ABI2: variants seen among roughly 807,000 people sequenced by gnomAD.
ABI2 encodes abelson interactor 2.
In ABI2, 25 loss-of-function variants were observed where a neutral mutation model predicts 59.2. The ratio of observed to expected loss-of-function variants is 0.42; its 90% CI spans 0.31 to 0.59. The LOEUF (loss-of-function observed/expected upper bound fraction) is 0.59, where lower values mean the gene tolerates loss of function less well. Among genes scored for constraint, ABI2 ranks in the 20% least tolerant of loss-of-function variants. ABI2 has a pLI of 0.14. For synonymous variants in ABI2, 213 were observed against 235.5 expected (o/e 0.90, Z 0.87); for missense variants, 545 against 681.8 (o/e 0.80, Z 2.23).
chr2:203,407,970 G>A (rs1337921297), intron 9 of ABI2, among the ~76,000 whole-genome samples: 1 of 152,176 alleles, frequency 6.6e-6, no homozygotes, highest in Non-Finnish European at 1.5e-5. Flanking sequence ...AAATGATGTG[G>A]TATCTGAATT....
intron 4 of ABI2, among the ~76,000 whole-genome samples, chr2:203,383,748 A>ACT (rs1003545839): frequency 2.6e-5 from 4 of 152,204 alleles, no homozygotes; most frequent in Non-Finnish European, 4.4e-5. Context: ...GTGTCTTAGA[A>ACT]GTCTCCTGAT....
At position 203,395,462 on chromosome 2, in the gene ABI2, C is replaced by T. The variant is rs936415466; in HGVS notation, c.726-194C>T. 9.7e-4 allele frequency among the ~76,000 whole-genome samples: 145 copies of T among 149,230 alleles called. 1 individual carries two copies. Among genetic ancestry groups the T allele is most frequent in the Middle Eastern group, 3.5e-3 (1 of 286 alleles). Reference sequence around the variant, plus strand: ...ATATATATATATACACACACACACACACACACACACACACACACACACATT... The same window carrying T: ...ATATATATATATACACACACACACATACACACACACACACACACACACATT... On this transcript the variant is annotated intron_variant, in intron 6 of 11. Transcript: ENST00000261018.
chr2:203,344,394 C>T (rs1033065852), intron 1 of ABI2, among the ~76,000 whole-genome samples: 1 of 151,532 alleles, frequency 6.6e-6, no homozygotes, highest in Admixed American at 6.6e-5. Flanking sequence ...GACAGGGTCT[C>T]TTGCTCTATT....
At chr2:203,420,887 C>A (rs1257125172) in intron 11 of ABI2, among the ~76,000 whole-genome samples, 1 of 148,458 alleles carries the variant, frequency 6.7e-6, no homozygotes, top group Non-Finnish European at 1.5e-5. Context: ...AAAGGAAGGG[C>A]CTTCCAAGCT....
chr2:203,407,437 GTATT>G (rs2153477974), intron 9 of ABI2, among the ~76,000 whole-genome samples: 1 of 152,260 alleles, frequency 6.6e-6, no homozygotes, highest in African/African-American at 2.4e-5. Context: ...TATTCTCAGA[GTATT>G]TATAAAGCTG....
intron 11 of ABI2, among the ~76,000 whole-genome samples, chr2:203,426,007 G>A (rs953579346): frequency 2.0e-5 from 3 of 146,370 alleles, no homozygotes; most frequent in Admixed American, 2.0e-4. Flanking sequence ...GGCGATAAGA[G>A]TGAGACTGTC....
intron 9 of ABI2, among the ~76,000 whole-genome samples, chr2:203,405,549 CA>C (rs753884266): frequency 5.2e-4 from 73 of 141,044 alleles, no homozygotes; most frequent in Non-Finnish European, 4.8e-4. Flanking sequence ...GACCCTGTCT[CA>C]AAAAAAAAAA....
At chr2:203,367,873 G>A (rs62183948) in intron 2 of ABI2, among the ~76,000 whole-genome samples, 24,393 of 151,634 alleles carry the variant, frequency 0.16, 2,367 homozygotes, top group East Asian at 0.52. Context: ...GTTTGGTGGT[G>A]CACGCCTGTT....
intron 9 of ABI2, among the ~76,000 whole-genome samples, chr2:203,403,992 A>C (rs2097328845): frequency 6.6e-6 from 1 of 151,866 alleles, no homozygotes. Flanking sequence ...ACCTTAAGTG[A>C]TTCACCCACC....
intron 1 of ABI2, among the ~76,000 whole-genome samples, chr2:203,339,111 G>A (rs971736205): frequency 6.7e-6 from 1 of 149,862 alleles, no homozygotes; most frequent in Non-Finnish European, 1.5e-5. Flanking sequence ...CAACAGGTAT[G>A]TGAAAATGTG....
At chr2:203,362,999 T>C (rs2093741079) in intron 1 of ABI2, among the ~76,000 whole-genome samples, 1 of 152,032 alleles carries the variant, frequency 6.6e-6, no homozygotes, top group Non-Finnish European at 1.5e-5. Context: ...CCCGGCTATT[T>C]TTCGTATTTT....
chr2:203,341,413 A>G (rs1280808971), intron 1 of ABI2, among the ~76,000 whole-genome samples: 3 of 152,194 alleles, frequency 2.0e-5, no homozygotes, highest in Non-Finnish European at 2.9e-5. Flanking sequence ...GTCGGAGGGC[A>G]GTGAAATAAA....
intron 1 of ABI2, among the ~76,000 whole-genome samples, chr2:203,364,881 C>T (rs1326843676): frequency 6.6e-6 from 1 of 151,892 alleles, no homozygotes; most frequent in African/African-American, 2.4e-5. Context: ...CTACAGGGGT[C>T]CACCATCATG....
intron 1 of ABI2, among the ~76,000 whole-genome samples, chr2:203,336,069 T>C (rs1440002034): frequency 6.6e-6 from 1 of 152,218 alleles, no homozygotes; most frequent in Non-Finnish European, 1.5e-5. Flanking sequence ...TGTGTTTGAC[T>C]TCTTGGTACT....
At chr2:203,349,607 G>A (rs1199519619) in intron 1 of ABI2, among the ~76,000 whole-genome samples, 4 of 151,844 alleles carry the variant, frequency 2.6e-5, no homozygotes, top group Admixed American at 6.6e-5. Flanking sequence ...GTTTCACCAC[G>A]TTGGTCAGGC....
Position 203,430,649 on chromosome 2 carries a change from C to T in ABI2, c.*3297C>T, listed in dbSNP as rs935214915. Reference sequence around the variant, plus strand: ...TCATTTAGCTACTTCCTATCTCCCTCAGAGGCGCCTGCTGTTCCCATTTTA... The same window carrying T: ...TCATTTAGCTACTTCCTATCTCCCTTAGAGGCGCCTGCTGTTCCCATTTTA... On this transcript the variant is annotated 3_prime_UTR_variant, in exon 12 of 12. Transcript: ENST00000261018. 1 of 152,236 alleles carries T rather than the reference C, an allele frequency of 6.6e-6. No individual in the cohort carries two copies. The highest frequency in any genetic ancestry group is 1.5e-5 in the Non-Finnish European group (1 of 68,044). 9.4% of individuals were successfully genotyped at this position (152,236 alleles called of 1,614,324 possible).
chr2:203,425,043 TG>T (rs925154265), intron 11 of ABI2, among the ~76,000 whole-genome samples: 71 of 148,830 alleles, frequency 4.8e-4, no homozygotes, highest in African/African-American at 1.4e-3. Flanking sequence ...TTTTTTTTTT[TG>T]TATTTTTTTT....
At chr2:203,357,625 T>C (rs2092477036) in intron 1 of ABI2, among the ~76,000 whole-genome samples, 1 of 152,246 alleles carries the variant, frequency 6.6e-6, no homozygotes, top group Non-Finnish European at 1.5e-5. Context: ...AGGCAGATGA[T>C]ATAACATATT....
intron 2 of ABI2, chr2:203,375,857 G>A (rs182251010): frequency 1.9e-4 from 74 of 391,114 alleles, no homozygotes; most frequent in Admixed American, 1.0e-3. Flanking sequence ...TAGATTTAGT[G>A]CTCTCTGTCA....
Sources: allele counts gnomAD v4.1 joint callset (sites outside exome capture counted in the v4.1 genomes callset), GRCh38; gene constraint gnomAD v4.1.1; transcripts MANE v1.5; gene names NCBI Gene and HGNC (gene_info 2026-07-23, HGNC 2026-07-21).